CHCHD6: variants seen among roughly 807,000 people sequenced by gnomAD.
CHCHD6 encodes the protein coiled-coil-helix-coiled-coil-helix domain containing 6.
In CHCHD6, 28 loss-of-function variants were observed where a neutral mutation model predicts 32.3. The ratio of observed to expected loss-of-function variants is 0.87; its 90% CI spans 0.64 to 1.19. The LOEUF (loss-of-function observed/expected upper bound fraction) is 1.19. Among genes scored for constraint, CHCHD6 ranks in the 50% most tolerant of loss-of-function variants. The pLI is 0.00. For missense variants in CHCHD6, 333 were observed against 307.0 expected (o/e 1.08, Z -0.63); for synonymous variants, 122 against 117.5 (o/e 1.04, Z -0.25).
Position 126,730,567 on chromosome 3 carries a change from C to T in CHCHD6, c.203C>T (p.Thr68Ile). 1 of 1,613,666 alleles carries T rather than the reference C, an allele frequency of 6.2e-7. No homozygotes were observed. The highest frequency in any genetic ancestry group is 1.1e-5 in the South Asian group (1 of 91,002). The change falls in exon 3 of 8, where the codon ACA becomes ATA. Residue 68 changes from threonine (T) to isoleucine (I), a missense_variant. By Grantham distance (89) the Thr-to-Ile change is moderately conservative. Coordinates refer to ENST00000290913, the MANE Select transcript of CHCHD6 (RefSeq NM_032343.3). The stretch of plus-strand genomic sequence containing the variant: ...TCTTCTCTTTCCTTTGCAGAATCCA[C>T]ACTGCCCAGGTCGGGGAGCAGTGGT... The part of the protein sequence containing the change: ...GNLRAPHKES[T>I]LPRSGSSGGQ...
In CHCHD6 at chr3:126,733,941, C is replaced by T. The variant is rs561649653; in HGVS notation, c.411+719C>T. On this transcript the variant is annotated intron_variant, in intron 4 of 7. Transcript: ENST00000290913. Reference sequence around the variant, plus strand: ...GGACCTGGTGCTTCTCTTCCTGCCACTCTGCCATCCACAGTGTGCCAGTGC... The same window carrying T: ...GGACCTGGTGCTTCTCTTCCTGCCATTCTGCCATCCACAGTGTGCCAGTGC... 7.2e-5 allele frequency among the ~76,000 whole-genome samples: 11 copies of T among 152,326 alleles called. No individual in the cohort carries two copies. The South Asian group carries it at 2.3e-3, about 32-fold the overall frequency.
chr3:126,865,154 C>CTCCTCCTCCTCCACT (rs1942241236), intron 5 of CHCHD6, among the ~76,000 whole-genome samples: 3 of 126,166 alleles, frequency 2.4e-5, no homozygotes, highest in African/African-American at 8.6e-5. Flanking sequence ...CCTCCTTTTC[C>CTCCTCCTCCTCCACT]ACCACCTCCA....
chr3:126,852,844 C>A (rs2107552422), intron 5 of CHCHD6, 114 bp downstream of exon 5: 1 of 692,608 alleles, frequency 1.4e-6, no homozygotes, highest in Non-Finnish European at 2.6e-6. Context: ...CCCATTCGCC[C>A]AGATGCCAGT....
intron 4 of CHCHD6, among the ~76,000 whole-genome samples, chr3:126,838,104 T>G (rs1270600955): frequency 6.6e-6 from 1 of 152,108 alleles, no homozygotes; most frequent in Non-Finnish European, 1.5e-5. Context: ...ACACAAGCCT[T>G]CAGAATGAGA....
At chr3:126,776,117 T>G (rs964623475) in intron 4 of CHCHD6, among the ~76,000 whole-genome samples, 9 of 152,198 alleles carry the variant, frequency 5.9e-5, no homozygotes, top group Admixed American at 4.6e-4. Flanking sequence ...AAACATGAAT[T>G]GGCTGTGCTT....
At chr3:126,909,734 G>A (rs1288954389) in intron 5 of CHCHD6, among the ~76,000 whole-genome samples, 1 of 152,136 alleles carries the variant, frequency 6.6e-6, no homozygotes, top group Non-Finnish European at 1.5e-5. Flanking sequence ...GAGTCCGATG[G>A]GAAAGAAAAT....
chr3:126,856,319 C>T (rs1941666069), intron 5 of CHCHD6, among the ~76,000 whole-genome samples: 1 of 152,204 alleles, frequency 6.6e-6, no homozygotes, highest in East Asian at 1.9e-4. Flanking sequence ...ATTTTCACTT[C>T]ACAAGGGCCG....
chr3:126,943,660 G>A (rs968040820), intron 6 of CHCHD6, among the ~76,000 whole-genome samples: 2 of 152,168 alleles, frequency 1.3e-5, no homozygotes, highest in East Asian at 1.9e-4. Flanking sequence ...TCTGGTGTCC[G>A]TGATGGGGTA....
chr3:126,788,788 A>G (rs1329489206), intron 4 of CHCHD6, among the ~76,000 whole-genome samples: 1 of 152,056 alleles, frequency 6.6e-6, no homozygotes, highest in African/African-American at 2.4e-5. Flanking sequence ...GGATTCATTG[A>G]TTTTTTGAAG....
chr3:126,911,808 G>C (rs940884131), intron 5 of CHCHD6, among the ~76,000 whole-genome samples: 2 of 152,212 alleles, frequency 1.3e-5, no homozygotes, highest in African/African-American at 4.8e-5. Flanking sequence ...ACAGCAGGCC[G>C]GGCCCATCTG....
intron 1 of CHCHD6, among the ~76,000 whole-genome samples, chr3:126,707,261 TAAAA>T (rs74269416): frequency 7.4e-6 from 1 of 135,416 alleles, no homozygotes. Flanking sequence ...GACTCCGTCT[TAAAA>T]AAAAAAAAAA....
chr3:126,707,036 G>A (rs1484413319), intron 1 of CHCHD6, among the ~76,000 whole-genome samples: 2 of 152,152 alleles, frequency 1.3e-5, no homozygotes, highest in Admixed American at 6.5e-5. Context: ...GGAGGCCGAA[G>A]TGGGCAGATC....
chr3:126,815,339 C>A (rs1026018589), intron 4 of CHCHD6, among the ~76,000 whole-genome samples: 1 of 152,170 alleles, frequency 6.6e-6, no homozygotes, highest in Non-Finnish European at 1.5e-5. Context: ...CAGCCATCCT[C>A]TGTATGCCAG....
intron 4 of CHCHD6, among the ~76,000 whole-genome samples, chr3:126,819,707 G>C (rs1940069319): frequency 6.6e-6 from 1 of 152,194 alleles, no homozygotes; most frequent in Non-Finnish European, 1.5e-5. Flanking sequence ...TCTCTAAATG[G>C]ACGTCTGGCT....
intron 6 of CHCHD6, among the ~76,000 whole-genome samples, chr3:126,952,704 G>T (rs1275909090): frequency 6.6e-6 from 1 of 152,218 alleles, no homozygotes; most frequent in Non-Finnish European, 1.5e-5. Context: ...GATTTGAAAA[G>T]CTTTTCCATA....
intron 6 of CHCHD6, among the ~76,000 whole-genome samples, chr3:126,918,737 A>T (rs2078204678): frequency 6.6e-6 from 1 of 152,220 alleles, no homozygotes; most frequent in South Asian, 2.1e-4. Context: ...CCAAGAAGTG[A>T]GCATGAGCCA....
chr3:126,827,875 A>G (rs537231094), intron 4 of CHCHD6, among the ~76,000 whole-genome samples: 2 of 152,306 alleles, frequency 1.3e-5, no homozygotes, highest in African/African-American at 4.8e-5. Flanking sequence ...TCTGGCCCAG[A>G]GCACATGTTC....
intron 3 of CHCHD6, among the ~76,000 whole-genome samples, chr3:126,731,437 T>C (rs146747455): frequency 6.6e-6 from 1 of 152,342 alleles, no homozygotes; most frequent in African/African-American, 2.4e-5. Context: ...TTATGTGAAC[T>C]TGAAATATCA....
chr3:126,819,367 C>T (rs570164288), intron 4 of CHCHD6, among the ~76,000 whole-genome samples: 1 of 152,272 alleles, frequency 6.6e-6, no homozygotes, highest in South Asian at 2.1e-4. Context: ...AGTGCCTTGC[C>T]AGCCAGGTTT....
Sources: allele counts gnomAD v4.1 joint callset (sites outside exome capture counted in the v4.1 genomes callset), GRCh38; gene constraint gnomAD v4.1.1; transcripts MANE v1.5; gene names NCBI Gene and HGNC (gene_info 2026-07-23, HGNC 2026-07-21).